Variants in ABLIM3 observed in about 807,000 individuals in gnomAD.
ABLIM3 encodes actin-binding LIM protein 3.
In ABLIM3, 61 loss-of-function variants were observed where a neutral mutation model predicts 109.5. The ratio of observed to expected loss-of-function variants is 0.56; its 90% CI spans 0.45 to 0.69. ABLIM3 has a LOEUF of 0.69. Among genes scored for constraint, ABLIM3 ranks in the 30% least tolerant of loss-of-function variants. ABLIM3 has a pLI of 0.00. For synonymous variants in ABLIM3, 300 were observed against 324.8 expected, an observed-to-expected ratio of 0.92 and a Z score of 0.82; for missense variants, 796 against 889.5, an observed-to-expected ratio of 0.89 and a Z score of 1.34.
chr5:149,233,799 C>T (rs1762096685), intron 10 of ABLIM3, among the ~76,000 whole-genome samples: 1 of 152,166 alleles, frequency 6.6e-6, no homozygotes, highest in Non-Finnish European at 1.5e-5. Flanking sequence ...GAAGAGGTTT[C>T]TAATCATGTG....
intron 2 of ABLIM3, among the ~76,000 whole-genome samples, chr5:149,159,629 T>C (rs1307484978): frequency 6.6e-6 from 1 of 152,196 alleles, no homozygotes; most frequent in Non-Finnish European, 1.5e-5. Context: ...AGATCTCAGC[T>C]CTCCTGCTAA....
Position 149,249,824 on chromosome 5 carries a change from C to G in ABLIM3, c.1709C>G (p.Ser570Trp). ...CTTTTCTCTCCTGCAGCCCCTCGGT[C>G]GCACTACCTGGCTGACAGTGGTAAG... ...YEMSLNGSPR[S>W]HYLADSDPLI... is the part of the protein sequence containing the mutation. The change falls in exon 19 of 24, where the codon TCG becomes TGG. Residue 570 changes from serine to tryptophan, a missense_variant. Ser to Trp is a radical substitution (Grantham distance 177). Transcript: ENST00000309868. The G allele has an allele frequency of 1.9e-6, 3 of 1,614,160 alleles. No individual in the cohort carries two copies. Among genetic ancestry groups the G allele is most frequent in the Non-Finnish European group, 2.5e-6 (3 of 1,180,014 alleles).
intron 7 of ABLIM3, among the ~76,000 whole-genome samples, chr5:149,212,362 TG>T (rs1759648648): frequency 6.6e-6 from 1 of 151,840 alleles, no homozygotes; most frequent in Middle Eastern, 3.2e-3. Context: ...GATACCAGGG[TG>T]GAGTTTGCAT....
At chr5:149,201,987 C>T (rs1203704743) in intron 5 of ABLIM3, among the ~76,000 whole-genome samples, 1 of 152,194 alleles carries the variant, frequency 6.6e-6, no homozygotes, top group Non-Finnish European at 1.5e-5. Flanking sequence ...TGTATTAGTT[C>T]AGGGATCAAA....
In ABLIM3 at chr5:149,252,693, G is replaced by A. The variant is rs555477257; in HGVS notation, c.1858-64G>A. On this transcript the variant is annotated intron_variant, in intron 22 of 23. Transcript: ENST00000309868. ...AGAACAGAGAGCCCAGACACAAAATGTACCTGAAAGGAACAAGCCCACCAC... is the reference window on the plus strand; with the variant it reads ...AGAACAGAGAGCCCAGACACAAAATATACCTGAAAGGAACAAGCCCACCAC... The A allele has an allele frequency of 3.2e-6, 4 of 1,237,902 alleles. No homozygotes were observed. The African/African-American group carries it at 4.5e-5, about 14-fold the overall frequency. 76.7% of individuals were successfully genotyped at this position (1,237,902 alleles called of 1,614,324 possible).
chr5:149,157,790 A>T (rs1753981632), intron 2 of ABLIM3, among the ~76,000 whole-genome samples: 1 of 152,108 alleles, frequency 6.6e-6, no homozygotes, highest in Non-Finnish European at 1.5e-5. Flanking sequence ...CTCTGACCGT[A>T]TAGGAAAGCC....
At chr5:149,223,172 T>A (rs147082440) in intron 8 of ABLIM3, among the ~76,000 whole-genome samples, 65 of 152,288 alleles carry the variant, frequency 4.3e-4, no homozygotes, top group African/African-American at 1.4e-3. Context: ...TTGAATCATA[T>A]AGAAAGTATT....
intron 2 of ABLIM3, among the ~76,000 whole-genome samples, chr5:149,159,364 TTGAC>T (rs1754124387): frequency 6.6e-6 from 1 of 152,156 alleles, no homozygotes; most frequent in South Asian, 2.1e-4. Flanking sequence ...GAGTTTGCCT[TTGAC>T]TGGGGGAGGG....
chr5:149,233,424 G>A (rs1404125787), intron 10 of ABLIM3, 124 bp downstream of exon 10: 1 of 997,490 alleles, frequency 1.0e-6, no homozygotes. Flanking sequence ...TGCTCTTCAT[G>A]TGCTAGGCTC....
At chr5:149,242,082 G>A (rs929134891) in intron 14 of ABLIM3, among the ~76,000 whole-genome samples, 3 of 152,162 alleles carry the variant, frequency 2.0e-5, no homozygotes, top group African/African-American at 4.8e-5. Flanking sequence ...CTTTGAGGGA[G>A]GGGGAGGGAG....
At chr5:149,213,646 T>C (rs1759776829) in intron 7 of ABLIM3, among the ~76,000 whole-genome samples, 1 of 152,198 alleles carries the variant, frequency 6.6e-6, no homozygotes, top group Non-Finnish European at 1.5e-5. Flanking sequence ...TGGAAATTTG[T>C]TCAGCATTTC....
chr5:149,147,715 A>C (rs952486239), intron 2 of ABLIM3, among the ~76,000 whole-genome samples: 10 of 152,208 alleles, frequency 6.6e-5, no homozygotes, highest in Non-Finnish European at 1.3e-4. Context: ...GATAGAGTGC[A>C]GGCCCTGGAA....
At chr5:149,143,048 T>C (rs1752627516) in intron 2 of ABLIM3, among the ~76,000 whole-genome samples, 1 of 152,058 alleles carries the variant, frequency 6.6e-6, no homozygotes. Context: ...CTCATCTGTA[T>C]GATGAGAGGG....
chr5:149,167,596 C>T lies in ABLIM3; in HGVS notation c.14-15856C>T, dbSNP rs72837022. On this transcript the variant is annotated intron_variant, in intron 2 of 23. Transcript: ENST00000309868. ...TACTAATCATTGTGTTTTTTAATTG[C>T]ACATGAATTGTACAAAGTAAATTAT... 3.5e-3 allele frequency among the ~76,000 whole-genome samples: 526 copies of T among 152,226 alleles called. 4 individuals carry two copies. The highest frequency in any genetic ancestry group is 5.9e-3 in the Non-Finnish European group (399 of 67,998).
At chr5:149,183,301 G>A in intron 2 of ABLIM3, 151 bp from the exon 3 acceptor site, 1 of 925,304 alleles carries the variant, frequency 1.1e-6, no homozygotes. Context: ...GCCTTAGCTT[G>A]GCAGTCATCC....
rs146837117 is a variant in ABLIM3, at chr5:149,196,105, TCTGA to T, written c.152-2111_152-2108del. On this transcript the variant is annotated intron_variant, in intron 3 of 23. Coordinates refer to ENST00000309868, the MANE Select transcript of ABLIM3 (RefSeq NM_014945.5). ...AGTGATGAGACCAGAGGTTGGGTGGTCTGACTATCAGACCACTGTGTCTCCCACT... is the reference window on the plus strand; with the variant it reads ...AGTGATGAGACCAGAGGTTGGGTGGTCTATCAGACCACTGTGTCTCCCACT... Among the ~76,000 whole-genome samples the T allele has an allele frequency of 7.7e-3, 1,174 of 152,230 alleles. 16 individuals carry two copies. The highest frequency in any genetic ancestry group is 0.018 in the African/African-American group (751 of 41,530).
chr5:149,251,685 T>A (rs1247198744), intron 21 of ABLIM3, among the ~76,000 whole-genome samples: 1 of 152,136 alleles, frequency 6.6e-6, no homozygotes, highest in Non-Finnish European at 1.5e-5. Flanking sequence ...TCTGCTCTCT[T>A]CTCCCTGGAC....
At chr5:149,222,529 A>G (rs1760754028) in intron 8 of ABLIM3, among the ~76,000 whole-genome samples, 3 of 152,154 alleles carry the variant, frequency 2.0e-5, no homozygotes. Flanking sequence ...AGAGGTGTCC[A>G]TGGGCCAAAA....
chr5:149,252,326 C>A, intron 22 of ABLIM3, 118 bp downstream of exon 22: 1 of 1,198,698 alleles, frequency 8.3e-7, no homozygotes, highest in East Asian at 2.6e-5. Context: ...TAAATAACCC[C>A]AGGGGTCCTT....
Sources: allele counts gnomAD v4.1 joint callset (sites outside exome capture counted in the v4.1 genomes callset), GRCh38; gene constraint gnomAD v4.1.1; transcripts MANE v1.5; gene names NCBI Gene and HGNC (gene_info 2026-07-23, HGNC 2026-07-21).